The following IGF2R variants were observed in gnomAD, a reference collection of about 807,000 sequenced individuals.
IGF2R encodes cation-independent mannose-6-phosphate receptor.
In IGF2R, 91 loss-of-function variants were observed where a neutral mutation model predicts 270.6. The ratio of observed to expected loss-of-function variants is 0.34; its 90% confidence interval spans 0.28 to 0.40. The LOEUF (loss-of-function observed/expected upper bound fraction) is 0.40. Ranked by LOEUF, IGF2R falls within the 10% of genes least tolerant of loss-of-function variation. The pLI is 1.00. For synonymous variants in IGF2R, 1,316 were observed against 1,258.9 expected, an observed-to-expected ratio of 1.05 and a Z score of -0.96; for missense variants, 2,805 against 3,188.3, an observed-to-expected ratio of 0.88 and a Z score of 2.90.
chr6:160,038,819 A>C (rs1777879648), intron 10 of IGF2R, among the ~76,000 whole-genome samples: 1 of 152,118 alleles, frequency 6.6e-6, no homozygotes, highest in African/African-American at 2.4e-5. Flanking sequence ...AACAAACAAA[A>C]AACACAGGAG....
At chr6:159,991,030 C>A (rs1185875460) in intron 1 of IGF2R, among the ~76,000 whole-genome samples, 154 bp from the exon 2 acceptor site, 1 of 152,196 alleles carries the variant, frequency 6.6e-6, no homozygotes, top group African/African-American at 2.4e-5. Flanking sequence ...TTCTTTGCAA[C>A]TTAACATACT....
At chr6:159,979,717 G>C (rs1783750107) in intron 1 of IGF2R, among the ~76,000 whole-genome samples, 1 of 152,192 alleles carries the variant, frequency 6.6e-6, no homozygotes. Context: ...AAGCATGTCT[G>C]ACTTGGTTGA....
At chr6:160,037,451 TTAGA>T (rs1777852907) in intron 10 of IGF2R, among the ~76,000 whole-genome samples, 1 of 152,258 alleles carries the variant, frequency 6.6e-6, no homozygotes, top group Non-Finnish European at 1.5e-5. Flanking sequence ...ACTCTGTTTA[TTAGA>T]TAGATGTATT....
At chr6:160,041,646 T>C (rs992442509) in intron 11 of IGF2R, among the ~76,000 whole-genome samples, 1 of 152,198 alleles carries the variant, frequency 6.6e-6, no homozygotes, top group East Asian at 1.9e-4. Flanking sequence ...TGCTCCTGTC[T>C]TCTGAGTCCC....
At chr6:160,027,999 A>G (rs749705340) in intron 6 of IGF2R, among the ~76,000 whole-genome samples, 5 of 152,166 alleles carry the variant, frequency 3.3e-5, no homozygotes, top group Non-Finnish European at 7.4e-5. Context: ...ACTCTGTCCA[A>G]AGAAAAAACT....
intron 12 of IGF2R, among the ~76,000 whole-genome samples, 194 bp from the exon 13 acceptor site, chr6:160,044,320 C>T (rs879796408): frequency 3.3e-5 from 5 of 152,186 alleles, no homozygotes; most frequent in Non-Finnish European, 7.3e-5. Flanking sequence ...AATGTCTAGC[C>T]AAACGTGGCA....
At chr6:160,071,266 G>GCCCGGT (rs1562367071) in intron 31 of IGF2R, among the ~76,000 whole-genome samples, 1 of 121,896 alleles carries the variant, frequency 8.2e-6, no homozygotes, top group Non-Finnish European at 1.7e-5. Flanking sequence ...CAGGGCCCAG[G>GCCCGGT]AGGCTGGGAG....
Position 160,050,684 on chromosome 6 carries a change from C to A in IGF2R, c.2694+32C>A. On this transcript the variant is annotated intron_variant, in intron 19 of 47. Coordinates refer to ENST00000356956, the MANE Select transcript of IGF2R (RefSeq NM_000876.4). This position sits in a 1 kb window ranked among gnomAD's most constrained non-coding sequence, Gnocchi z 4.0. ...CACTGCTGCTGGCTGGTGACCTTCA[C>A]TGCTGCATTTTTTGACTGAGCGTTG... is the stretch of plus-strand genomic sequence containing the variant. The A allele has an allele frequency of 1.3e-6, 2 of 1,567,454 alleles. No homozygotes were observed. Among genetic ancestry groups the A allele is most frequent in the Non-Finnish European group, 1.7e-6 (2 of 1,150,202 alleles).
At chr6:159,991,113 A>G in intron 1 of IGF2R, 71 bp from the exon 2 acceptor site, 2 of 1,438,938 alleles carry the variant, frequency 1.4e-6, no homozygotes, top group Admixed American at 2.0e-5. Flanking sequence ...ATGTGGCTTG[A>G]ATAAAACTAG....
Position 160,040,557 on chromosome 6 carries a change from C to A in IGF2R, c.1316-3C>A. 1 of 1,613,396 alleles carries A rather than the reference C, an allele frequency of 6.2e-7. No individual in the cohort carries two copies. Among genetic ancestry groups the A allele is most frequent in the Non-Finnish European group, 8.5e-7 (1 of 1,179,436 alleles). ...TTTAAATTTCTCCTCTTGAATTGTG[C>A]AGGTAACGATGGGAAAGGAACTCCT... On this transcript the variant is annotated splice_region_variant and splice_polypyrimidine_tract_variant and intron_variant, in intron 10 of 47. Coordinates refer to ENST00000356956, the MANE Select transcript of IGF2R (RefSeq NM_000876.4).
At chr6:160,059,823 C>T (rs994422993) in intron 22 of IGF2R, among the ~76,000 whole-genome samples, 1 of 152,254 alleles carries the variant, frequency 6.6e-6, no homozygotes, top group Non-Finnish European at 1.5e-5. Flanking sequence ...TGTACTTGCT[C>T]CTCGCTCTGC....
At chr6:160,000,670 C>T (rs1388362306) in intron 2 of IGF2R, among the ~76,000 whole-genome samples, 1 of 148,892 alleles carries the variant, frequency 6.7e-6, no homozygotes, top group Non-Finnish European at 1.5e-5. Flanking sequence ...TTATACGTTG[C>T]TGTAGGAAGA....
rs774173682 is a variant in IGF2R, at chr6:160,024,616, C to T, written c.558C>T (p.Leu186=). 6.2e-7 allele frequency: 1 copy of T among 1,613,820 alleles called. No homozygotes were observed. Among genetic ancestry groups the T allele is most frequent in the South Asian group, 1.1e-5 (1 of 91,066 alleles). ...VFDEELRKHD[L]NPLIKLSGAY... ...ATGAAGAGTTGAGGAAGCATGATCTCAATCCTCTGATCAAGCTTAGTGGTG... is the reference window on the plus strand; with the variant it reads ...ATGAAGAGTTGAGGAAGCATGATCTTAATCCTCTGATCAAGCTTAGTGGTG... The change falls in exon 5 of 48, where the codon CTC becomes CTT. Residue 186 remains leucine (L), a synonymous_variant. Transcript: ENST00000356956.
At chr6:160,025,354 G>A (rs2115224820) in intron 5 of IGF2R, among the ~76,000 whole-genome samples, 1 of 152,312 alleles carries the variant, frequency 6.6e-6, no homozygotes, top group Middle Eastern at 3.4e-3. Context: ...GGCCAGGACT[G>A]TCTTTCTGCA....
intron 4 of IGF2R, among the ~76,000 whole-genome samples, chr6:160,012,878 C>T (rs1160181336): frequency 4.0e-5 from 6 of 151,428 alleles, no homozygotes; most frequent in Admixed American, 3.3e-4. Flanking sequence ...CCGCCTGCCT[C>T]GGCCTCCCAA....
chr6:160,093,651 G>T (rs1779281649), intron 44 of IGF2R: 2 of 741,780 alleles, frequency 2.7e-6, no homozygotes, highest in South Asian at 1.4e-5. Context: ...AACTTCCGTG[G>T]ATTCCTGCAA....
At chr6:160,037,116 C>T (rs1168104933) in intron 10 of IGF2R, among the ~76,000 whole-genome samples, 2 of 152,168 alleles carry the variant, frequency 1.3e-5, no homozygotes, top group Admixed American at 1.3e-4. Flanking sequence ...ATGCCAAGAA[C>T]GAACATTCCT....
chr6:159,970,137 G>C (rs1325304859), intron 1 of IGF2R, among the ~76,000 whole-genome samples: 1 of 151,916 alleles, frequency 6.6e-6, no homozygotes, highest in Admixed American at 6.6e-5. Context: ...AACCATGATT[G>C]TATAACCCAT....
chr6:160,073,016 G>A (rs1778777376), intron 33 of IGF2R, 132 bp downstream of exon 33: 8 of 1,395,610 alleles, frequency 5.7e-6, no homozygotes, highest in Non-Finnish European at 7.8e-6. Context: ...TCCTGCAGCA[G>A]TCACCCCATG....
Sources: allele counts gnomAD v4.1 joint callset (sites outside exome capture counted in the v4.1 genomes callset), GRCh38; gene constraint gnomAD v4.1.1; non-coding constraint Gnocchi (gnomAD v3.1); transcripts MANE v1.5; gene names NCBI Gene and HGNC (gene_info 2026-07-23, HGNC 2026-07-21).